The following MYO10 variants were observed in gnomAD, a reference collection of about 807,000 sequenced individuals.
The protein encoded by MYO10 is unconventional myosin-X.
MYO10 carries 133 observed loss-of-function variants against 257.3 expected under a neutral mutation model. The observed-to-expected ratio is 0.52, with a 90% CI of 0.45 to 0.60. The LOEUF (loss-of-function observed/expected upper bound fraction) is 0.60. MYO10 is among the 20% of genes least tolerant of loss of function. The pLI, the probability that MYO10 is intolerant of heterozygous loss-of-function variation, is 0.00. For synonymous variants in MYO10, 1,104 were observed against 1,028.6 expected, an observed-to-expected ratio of 1.07 and a Z score of -1.40; for missense variants, 2,399 against 2,635.7, an observed-to-expected ratio of 0.91 and a Z score of 1.97.
At chr5:16,758,971 G>A (rs1190561086) in intron 17 of MYO10, among the ~76,000 whole-genome samples, 2 of 151,950 alleles carry the variant, frequency 1.3e-5, no homozygotes, top group Non-Finnish European at 2.9e-5. Flanking sequence ...ACCCAGGCTG[G>A]AGTGCAGTGG....
At position 16,668,326 on chromosome 5, in the gene MYO10, G is replaced by A. The variant is rs761012654; in HGVS notation, c.6026C>T (p.Thr2009Met). The A allele has an allele frequency of 2.0e-5, 33 of 1,613,930 alleles. No individual in the cohort carries two copies. Among genetic ancestry groups the A allele is most frequent in the Admixed American group, 1.0e-4 (6 of 60,000 alleles). The change falls in exon 40 of 41, where the codon ACG becomes ATG. Residue 2009 changes from threonine to methionine, a missense_variant. Coordinates refer to ENST00000513610, the MANE Select transcript of MYO10 (RefSeq NM_012334.3). Reference sequence around the variant, plus strand: ...CCTCTCATCGACCACGATCTTATACGTATTCGCCAGGGGTGCCCCAAAAGA... The same window carrying A: ...CCTCTCATCGACCACGATCTTATACATATTCGCCAGGGGTGCCCCAAAAGA... ...ILSFGAPLANTYKIVVDEREL... is the reference protein window; with the variant it reads ...ILSFGAPLANMYKIVVDEREL...
At chr5:16,669,457 G>A (rs1200724795) in intron 39 of MYO10, among the ~76,000 whole-genome samples, 1 of 152,090 alleles carries the variant, frequency 6.6e-6, no homozygotes, top group African/African-American at 2.4e-5. Flanking sequence ...GCCCGCCTTG[G>A]CCTCCCAAAG....
chr5:16,770,345 A>T (rs1741009705), intron 9 of MYO10, among the ~76,000 whole-genome samples: 1 of 152,156 alleles, frequency 6.6e-6, no homozygotes, highest in Non-Finnish European at 1.5e-5. Flanking sequence ...TCTCCAAAGG[A>T]TTTTTTATGG....
At chr5:16,935,047 C>G (rs1369472689) in intron 1 of MYO10, among the ~76,000 whole-genome samples, 4 of 152,194 alleles carry the variant, frequency 2.6e-5, no homozygotes, top group Non-Finnish European at 5.9e-5. Context: ...AAGTCTCGAT[C>G]CCAAAGGGGG....
chr5:16,870,563 C>T (rs779747371), intron 2 of MYO10, among the ~76,000 whole-genome samples: 1 of 151,456 alleles, frequency 6.6e-6, no homozygotes, highest in Non-Finnish European at 1.5e-5. Flanking sequence ...GTTTTGTAAA[C>T]TCTTTGTGGA....
At chr5:16,694,643 G>A (rs374427805) in intron 26 of MYO10, 29 bp from the exon 27 acceptor site, 1 of 1,609,880 alleles carries the variant, frequency 6.2e-7, no homozygotes, top group Non-Finnish European at 8.5e-7. Context: ...GGTAGAGAGG[G>A]GTGAAAGAAA....
At chr5:16,741,513 A>G (rs936065649) in intron 19 of MYO10, among the ~76,000 whole-genome samples, 2 of 152,194 alleles carry the variant, frequency 1.3e-5, no homozygotes, top group African/African-American at 2.4e-5. Context: ...CTTCAACCTA[A>G]TATTAAAAAA....
intron 19 of MYO10, among the ~76,000 whole-genome samples, chr5:16,714,710 C>G (rs974739520): frequency 8.5e-5 from 13 of 152,178 alleles, no homozygotes; most frequent in Non-Finnish European, 1.9e-4. Flanking sequence ...GCAGTCCCAG[C>G]TACTCAGGAG....
At chr5:16,848,942 T>C (rs1743721842) in intron 2 of MYO10, among the ~76,000 whole-genome samples, 1 of 152,046 alleles carries the variant, frequency 6.6e-6, no homozygotes, top group Non-Finnish European at 1.5e-5. Context: ...ACACCAAATA[T>C]TATGTATTTG....
intron 1 of MYO10, among the ~76,000 whole-genome samples, chr5:16,907,093 G>A (rs924681256): frequency 2.6e-5 from 4 of 151,932 alleles, no homozygotes; most frequent in Non-Finnish European, 2.9e-5. Context: ...CAGCCTGGGC[G>A]ACAGAATGAG....
chr5:16,672,238 T>G (rs1736499257), intron 37 of MYO10, among the ~76,000 whole-genome samples: 2 of 140,318 alleles, frequency 1.4e-5, no homozygotes, highest in Admixed American at 8.0e-5. Context: ...GAAGTTGCAG[T>G]GAGCCAAGGT....
intron 26 of MYO10, 141 bp from the exon 27 acceptor site, chr5:16,694,755 G>T: frequency 9.2e-7 from 1 of 1,091,382 alleles, no homozygotes; most frequent in Non-Finnish European, 1.3e-6. Flanking sequence ...CCCTCAGTGA[G>T]GAGTGGCACT....
At position 16,747,031 on chromosome 5, in the gene MYO10, C is replaced by A. The variant is rs527700891; in HGVS notation, c.1929+7797G>T. Among the ~76,000 whole-genome samples, 8 of 152,266 alleles carry A rather than the reference C, an allele frequency of 5.3e-5. No homozygotes were observed. In the South Asian group the frequency reaches 1.5e-3, roughly 28 times the overall value. On this transcript the variant is annotated intron_variant, in intron 19 of 40. Transcript: ENST00000513610. The stretch of plus-strand genomic sequence containing the variant: ...GATAACAAAGGCCTGTGGGTGAATA[C>A]CCATTTGGAGATGGGGATATTTGTA...
In MYO10 at chr5:16,701,258, C is replaced by A. The variant is rs372327162; in HGVS notation, c.3137G>T (p.Ser1046Ile). 2 of 1,613,480 alleles carry A rather than the reference C, an allele frequency of 1.2e-6. No individual in the cohort carries two copies. Among genetic ancestry groups the A allele is most frequent in the Non-Finnish European group, 1.7e-6 (2 of 1,179,788 alleles). ...MNDTVVPTSP[S>I]ADSTVLLAPS... ...GGCGAGCAGCACCGTGCTGTCCGCACTGGGGCTGGTGGGCACCACCGTGTC... is the reference window on the plus strand; with the variant it reads ...GGCGAGCAGCACCGTGCTGTCCGCAATGGGGCTGGTGGGCACCACCGTGTC... The change falls in exon 25 of 41, where the codon AGT (serine) becomes ATT (isoleucine). Residue 1046 changes from serine to isoleucine, a missense_variant. This residue lies in a region of MYO10 where 1,820 missense variants were observed against 1,939.4 expected (regional missense o/e 0.94). Coordinates refer to ENST00000513610, the MANE Select transcript of MYO10 (RefSeq NM_012334.3). This position sits in a 1 kb window ranked among gnomAD's most constrained non-coding sequence, Gnocchi z 8.1.
At chr5:16,733,313 T>C (rs1022394964) in intron 19 of MYO10, among the ~76,000 whole-genome samples, 6 of 152,272 alleles carry the variant, frequency 3.9e-5, no homozygotes, top group African/African-American at 1.4e-4. Context: ...ATCATCCCAT[T>C]TCTACAGGAA....
At chr5:16,923,264 A>G (rs1373899403) in intron 1 of MYO10, among the ~76,000 whole-genome samples, 2 of 151,866 alleles carry the variant, frequency 1.3e-5, no homozygotes, top group African/African-American at 4.8e-5. Context: ...TCAGAGATGT[A>G]GTGTATTTTC....
intron 18 of MYO10, among the ~76,000 whole-genome samples, chr5:16,755,736 T>G (rs961758745): frequency 6.6e-5 from 10 of 151,602 alleles, no homozygotes; most frequent in African/African-American, 2.4e-4. Flanking sequence ...TTTTTTTTTT[T>G]TTTTTAGAGT....
At chr5:16,884,669 T>C (rs1744845573) in intron 1 of MYO10, among the ~76,000 whole-genome samples, 1 of 151,688 alleles carries the variant, frequency 6.6e-6, no homozygotes, top group African/African-American at 2.4e-5. Context: ...TTTTTTTTTT[T>C]TCCTTCTGTT....
intron 1 of MYO10, among the ~76,000 whole-genome samples, chr5:16,906,858 T>C (rs1435849704): frequency 1.3e-5 from 2 of 152,130 alleles, no homozygotes; most frequent in African/African-American, 2.4e-5. Context: ...ACGCCTGTAA[T>C]CCGAGCACTT....
Sources: gnomAD v4.1 joint callset for allele counts (sites outside exome capture counted in the v4.1 genomes callset) on GRCh38, gnomAD v4.1.1 for gene constraint, gnomAD v4.1.1 regional missense constraint, Gnocchi (gnomAD v3.1) non-coding constraint, MANE v1.5 for transcripts, NCBI Gene and HGNC (gene_info 2026-07-23, HGNC 2026-07-21) for gene names.